UBA6: variants seen among roughly 807,000 people sequenced by gnomAD.
UBA6 encodes the protein ubiquitin-like modifier-activating enzyme 6.
A neutral mutation model predicts 148.3 loss-of-function variants in UBA6; 87 were observed. The observed-to-expected ratio is 0.59, with a 90% confidence interval of 0.49 to 0.70. The LOEUF is 0.70. Among genes scored for constraint, UBA6 ranks in the 30% least tolerant of loss-of-function variants. The probability of loss-of-function intolerance (pLI) is 0.00; values close to 1 mark genes in which losing one functional copy is unlikely to be tolerated. For synonymous variants in UBA6, 376 were observed against 401.0 expected (o/e 0.94, Z 0.75); for missense variants, 1,186 against 1,241.2 (o/e 0.96, Z 0.67).
chr4:67,637,500 A>T (rs1577798923), intron 19 of UBA6, among the ~76,000 whole-genome samples: 1 of 152,084 alleles, frequency 6.6e-6, no homozygotes, highest in African/African-American at 2.4e-5. Context: ...GAAAAGGGGG[A>T]AATGTGGGGA....
intron 19 of UBA6, 32 bp downstream of exon 19, chr4:67,638,911 A>G (rs373055903): frequency 5.0e-5 from 76 of 1,520,534 alleles, no homozygotes; most frequent in Non-Finnish European, 6.4e-5. Flanking sequence ...ACTAAAGACA[A>G]TTCTGTAGGA....
chr4:67,691,616 G>C (rs2711142), intron 2 of UBA6, among the ~76,000 whole-genome samples: 3,479 of 152,220 alleles, frequency 0.023, 146 homozygotes, highest in African/African-American at 0.079. Context: ...AACCTTGAAT[G>C]ACATCATGGG....
intron 26 of UBA6, 100 bp downstream of exon 26, chr4:67,630,366 T>C: frequency 1.2e-6 from 1 of 809,296 alleles, no homozygotes; most frequent in Non-Finnish European, 1.9e-6. Flanking sequence ...AAAAGAGTGA[T>C]TCTTATAACA....
intron 27 of UBA6, among the ~76,000 whole-genome samples, chr4:67,628,357 C>CG (rs1728919263): frequency 6.6e-6 from 1 of 151,874 alleles, no homozygotes; most frequent in African/African-American, 2.4e-5. Context: ...ATATTCTCTT[C>CG]TAGACGAGTC....
chr4:67,635,640 A>G, intron 19 of UBA6, 82 bp from the exon 20 acceptor site: 1 of 802,600 alleles, frequency 1.2e-6, no homozygotes, highest in South Asian at 1.4e-5. Flanking sequence ...CTTTCTATTG[A>G]CCATTTCACA....
chr4:67,647,078 C>G (rs1021074187), intron 14 of UBA6, among the ~76,000 whole-genome samples: 1 of 152,094 alleles, frequency 6.6e-6, no homozygotes. Flanking sequence ...GAAATTTCAC[C>G]TCCAAATCTA....
chr4:67,636,186 C>A (rs1303962186), intron 19 of UBA6, among the ~76,000 whole-genome samples: 1 of 152,016 alleles, frequency 6.6e-6, no homozygotes, highest in East Asian at 1.9e-4. Flanking sequence ...GATACAATGA[C>A]GGAAAGTAAA....
intron 13 of UBA6, among the ~76,000 whole-genome samples, chr4:67,659,648 T>C (rs1000815332): frequency 6.6e-6 from 1 of 151,916 alleles, no homozygotes; most frequent in Non-Finnish European, 1.5e-5. Flanking sequence ...ATATTTTATA[T>C]AGCATATGCA....
intron 8 of UBA6, among the ~76,000 whole-genome samples, chr4:67,669,206 C>T (rs1004293053): frequency 1.3e-5 from 2 of 152,076 alleles, no homozygotes; most frequent in African/African-American, 4.8e-5. Context: ...AGAATCCATA[C>T]CATATTTTGG....
Position 67,677,654 on chromosome 4 carries a change from G to T in UBA6, c.422C>A (p.Pro141His), listed in dbSNP as rs1730315488. 6.2e-7 allele frequency: 1 copy of T among 1,604,516 alleles called. No individual in the cohort carries two copies. Among genetic ancestry groups the T allele is most frequent in the Non-Finnish European group, 8.5e-7 (1 of 1,172,830 alleles). ...PYVHVTSSSV[P>H]FNETTDLSFL... ...GGAGAGATCTGTGGTCTCATTGAAA[G>T]GAACAGAAGATGATGTGACATGAAC... is the stretch of plus-strand genomic sequence containing the variant. Residue 141 changes from proline (P) to histidine (H), a missense_variant, in exon 6 of 33, where the codon CCT (proline) becomes CAT (histidine). By Grantham distance (77) the Pro-to-His change is moderately conservative. Coordinates refer to ENST00000322244, the MANE Select transcript of UBA6 (RefSeq NM_018227.6).
chr4:67,635,361 G>A, intron 20 of UBA6, 92 bp downstream of exon 20: 1 of 737,922 alleles, frequency 1.4e-6, no homozygotes, highest in Non-Finnish European at 2.3e-6. Context: ...AGCAAAATCA[G>A]AAGGATTAGG....
At chr4:67,673,945 T>TATA (rs1316442583) in intron 6 of UBA6, among the ~76,000 whole-genome samples, 168 bp from the exon 7 acceptor site, 12 of 152,216 alleles carry the variant, frequency 7.9e-5, no homozygotes, top group Non-Finnish European at 1.6e-4. Context: ...CTTCACAAAG[T>TATA]ATAGGTAACA....
At chr4:67,675,693 T>G (rs1730262708) in intron 6 of UBA6, among the ~76,000 whole-genome samples, 2 of 150,440 alleles carry the variant, frequency 1.3e-5, no homozygotes, top group Admixed American at 1.3e-4. Flanking sequence ...ACTATGCCAC[T>G]GCACTCCAGC....
rs1272891291 is a variant in UBA6, at chr4:67,618,822, T to A, written c.*175A>T. The A allele has an allele frequency of 6.7e-6, 4 of 595,506 alleles. No homozygotes were observed. The highest frequency in any genetic ancestry group is 1.1e-5 in the Non-Finnish European group (4 of 358,052). The allele number at this position is 595,506 out of a possible 1,614,324, so 36.9% of individuals were successfully genotyped here. On this transcript the variant is annotated 3_prime_UTR_variant, in exon 33 of 33. Transcript: ENST00000322244. ...TGAACCGTTAGACAAGTGTATGCTA[T>A]GCCCCAAAATGTTTTATAATTCTTC...
At chr4:67,664,329 A>T (rs1490576504) in intron 10 of UBA6, among the ~76,000 whole-genome samples, 4 of 152,116 alleles carry the variant, frequency 2.6e-5, no homozygotes, top group Non-Finnish European at 5.9e-5. Flanking sequence ...CCCTAAAAAA[A>T]ACCCAAAACA....
chr4:67,622,571 G>A (rs954791059), intron 32 of UBA6, among the ~76,000 whole-genome samples: 1 of 152,192 alleles, frequency 6.6e-6, no homozygotes, highest in Non-Finnish European at 1.5e-5. Flanking sequence ...GTCATTAAGT[G>A]TCTCAACATA....
intron 19 of UBA6, among the ~76,000 whole-genome samples, chr4:67,635,830 C>A (rs906311590): frequency 1.4e-5 from 2 of 146,484 alleles, no homozygotes; most frequent in African/African-American, 5.0e-5. Flanking sequence ...TTTTCCCTTG[C>A]TTTATATTTC....
Position 67,634,333 on chromosome 4 carries a change from G to GA in UBA6, c.1933-12dup. 1 of 1,560,046 alleles carries GA rather than the reference G, an allele frequency of 6.4e-7. No individual in the cohort carries two copies. Among genetic ancestry groups the GA allele is most frequent in the Non-Finnish European group, 8.6e-7 (1 of 1,161,804 alleles). On this transcript the variant is annotated splice_polypyrimidine_tract_variant and intron_variant, in intron 21 of 32. Transcript: ENST00000322244. ...AAAGGAACTTTCAAACTGTAACAGA[G>GA]AAAAGAAAAAAAAAATTACAAATAG...
At chr4:67,668,026 T>C (rs1284640115) in intron 9 of UBA6, among the ~76,000 whole-genome samples, 1 of 152,214 alleles carries the variant, frequency 6.6e-6, no homozygotes, top group Non-Finnish European at 1.5e-5. Context: ...CTATACTCTT[T>C]ATCTTATCTC....
Sources: allele counts gnomAD v4.1 joint callset (sites outside exome capture counted in the v4.1 genomes callset), GRCh38; gene constraint gnomAD v4.1.1; transcripts MANE v1.5; gene names NCBI Gene and HGNC (gene_info 2026-07-23, HGNC 2026-07-21).